CTNNA3: variants seen among roughly 807,000 people sequenced by gnomAD.
CTNNA3 encodes the protein catenin alpha 3, also known as catenin alpha-3.
A neutral mutation model predicts 95.7 loss-of-function variants in CTNNA3; 76 were observed. The ratio of observed to expected loss-of-function variants is 0.79; its 90% CI spans 0.66 to 0.96. The LOEUF (loss-of-function observed/expected upper bound fraction) is 0.96. CTNNA3 is among the 40% of genes least tolerant of loss of function. CTNNA3 has a pLI of 0.00. For synonymous variants in CTNNA3, 431 were observed against 374.4 expected, an observed-to-expected ratio of 1.15 and a Z score of -1.74; for missense variants, 1,191 against 1,089.8, an observed-to-expected ratio of 1.09 and a Z score of -1.31.
chr10:67,034,513 G>C (rs576809993), intron 7 of CTNNA3, among the ~76,000 whole-genome samples: 1 of 152,118 alleles, frequency 6.6e-6, no homozygotes, highest in East Asian at 1.9e-4. Context: ...TGGTTCCTGG[G>C]TATTGTCATC....
At chr10:66,832,795 G>A (rs184001516) in intron 7 of CTNNA3, among the ~76,000 whole-genome samples, 5 of 152,082 alleles carry the variant, frequency 3.3e-5, no homozygotes, top group East Asian at 3.9e-4. Flanking sequence ...AGGTGACACC[G>A]TGAGACATTG....
intron 13 of CTNNA3, among the ~76,000 whole-genome samples, chr10:66,237,640 T>C (rs2089920252): frequency 6.6e-6 from 1 of 152,082 alleles, no homozygotes; most frequent in African/African-American, 2.4e-5. Flanking sequence ...GATTCAGAAG[T>C]TGCCTTTTAG....
In CTNNA3 at chr10:66,479,978, A is replaced by ACACACACACACACC. The variant is rs1427904243; in HGVS notation, c.1531+40638_1531+40639insGGTGTGTGTGTGTG. ...CACACACACACACACACACACACAC[A>ACACACACACACACC]CCCCAGAACTTTCAACTCAGCCCAG... On this transcript the variant is annotated intron_variant, in intron 11 of 17. Transcript: ENST00000433211. 5.7e-4 allele frequency among the ~76,000 whole-genome samples: 87 copies of ACACACACACACACC among 151,446 alleles called. 1 individual carries two copies. Among genetic ancestry groups the ACACACACACACACC allele is most frequent in the African/African-American group, 1.9e-3 (80 of 41,226 alleles).
intron 7 of CTNNA3, among the ~76,000 whole-genome samples, chr10:67,131,518 G>A (rs180884092): frequency 1.3e-5 from 2 of 151,944 alleles, no homozygotes; most frequent in Non-Finnish European, 2.9e-5. Flanking sequence ...CCGGGTGTTG[G>A]TAGACCATTG....
intron 12 of CTNNA3, among the ~76,000 whole-genome samples, chr10:66,373,222 C>A (rs2092767363): frequency 6.6e-6 from 1 of 151,990 alleles, no homozygotes; most frequent in Non-Finnish European, 1.5e-5. Flanking sequence ...TTTCTTTTTT[C>A]TGACAAGTTT....
chr10:67,486,643 A>G (rs754014163), intron 5 of CTNNA3, among the ~76,000 whole-genome samples: 1 of 152,206 alleles, frequency 6.6e-6, no homozygotes, highest in Non-Finnish European at 1.5e-5. Context: ...AATAATAAGT[A>G]AAGTGATTAG....
intron 9 of CTNNA3, among the ~76,000 whole-genome samples, chr10:66,692,244 G>A (rs1344177170): frequency 1.3e-5 from 2 of 152,138 alleles, no homozygotes; most frequent in Admixed American, 6.5e-5. Context: ...ATAACCACAA[G>A]AACCAATAAA....
chr10:66,157,538 G>C (rs2084607011), intron 13 of CTNNA3, among the ~76,000 whole-genome samples: 1 of 126,872 alleles, frequency 7.9e-6, no homozygotes, highest in Non-Finnish European at 1.7e-5. Flanking sequence ...TAGATAGATA[G>C]ATAATCACAC....
rs58818789 is a variant in CTNNA3 at position 67,046,046 on chromosome 10, C to A, written c.1047+134271G>T. Among the ~76,000 whole-genome samples, 1,077 of 152,178 alleles carry A rather than the reference C, an allele frequency of 7.1e-3. 18 individuals are homozygous for A. Among genetic ancestry groups the A allele is most frequent in the African/African-American group, 0.024 (1,016 of 41,528 alleles). On this transcript the variant is annotated intron_variant, in intron 7 of 17. Transcript: ENST00000433211. ...ATAAAATAAAAGTGAAAAAGAAATA[C>A]AACAAATTTCAGACTGCCTTATGAA... is the stretch of plus-strand genomic sequence containing the variant.
intron 7 of CTNNA3, among the ~76,000 whole-genome samples, chr10:66,815,489 G>C (rs1366137915): frequency 6.6e-6 from 1 of 152,088 alleles, no homozygotes; most frequent in African/African-American, 2.4e-5. Context: ...TTCTTGGGAA[G>C]ACTTATCTTT....
intron 6 of CTNNA3, among the ~76,000 whole-genome samples, chr10:67,215,260 T>A (rs1864306179): frequency 6.6e-6 from 1 of 152,100 alleles, no homozygotes; most frequent in Admixed American, 6.6e-5. Context: ...GACAGTCTTT[T>A]GTTTCTTCAA....
chr10:67,583,147 C>T (rs1263651092), intron 3 of CTNNA3, among the ~76,000 whole-genome samples: 1 of 152,102 alleles, frequency 6.6e-6, no homozygotes. Flanking sequence ...GCAGTTTCTT[C>T]CTAGCATCGA....
chr10:65,930,385 C>T (rs2077234268), intron 17 of CTNNA3, among the ~76,000 whole-genome samples: 1 of 152,030 alleles, frequency 6.6e-6, no homozygotes, highest in Non-Finnish European at 1.5e-5. Context: ...GAAGATGAAC[C>T]CATGCCAAGT....
intron 2 of CTNNA3, among the ~76,000 whole-genome samples, chr10:67,646,641 C>T (rs1839722870): frequency 6.6e-6 from 1 of 152,004 alleles, no homozygotes; most frequent in African/African-American, 2.4e-5. Context: ...GAGGAAAGGT[C>T]GGCATAGTTT....
At chr10:67,143,789 T>C (rs985087741) in intron 7 of CTNNA3, among the ~76,000 whole-genome samples, 2 of 152,212 alleles carry the variant, frequency 1.3e-5, no homozygotes, top group Non-Finnish European at 2.9e-5. Flanking sequence ...CACTGAAGTC[T>C]TGAAACCCTC....
At chr10:67,441,264 C>CAA (rs760690984) in intron 5 of CTNNA3, among the ~76,000 whole-genome samples, 1,264 of 97,610 alleles carry the variant, frequency 0.013, 16 homozygotes, top group African/African-American at 0.041. Flanking sequence ...TGAGAGAAGA[C>CAA]AAAAAAAAAA....
At chr10:67,713,523 TGGAAC>T (rs1440011665) in intron 1 of CTNNA3, among the ~76,000 whole-genome samples, 2 of 152,200 alleles carry the variant, frequency 1.3e-5, no homozygotes, top group Non-Finnish European at 1.5e-5. Flanking sequence ...AGCAAAGACT[TGGAAC>T]CAACCCAGAT....
intron 10 of CTNNA3, 58 bp downstream of exon 10, chr10:66,621,634 T>C (rs950658788): frequency 6.7e-5 from 66 of 990,536 alleles, no homozygotes; most frequent in Middle Eastern, 2.2e-4. Context: ...TTCATATGCA[T>C]AAAAGCATTA....
At chr10:66,820,015 C>G (rs1842246152) in intron 7 of CTNNA3, among the ~76,000 whole-genome samples, 2 of 144,492 alleles carry the variant, frequency 1.4e-5, no homozygotes, top group African/African-American at 5.2e-5. Context: ...TGAGTTCACA[C>G]AAAAACTTGT....
Sources: gnomAD v4.1 joint callset for allele counts (sites outside exome capture counted in the v4.1 genomes callset) on GRCh38, gnomAD v4.1.1 for gene constraint, MANE v1.5 for transcripts, NCBI Gene and HGNC (gene_info 2026-07-23, HGNC 2026-07-21) for gene names.